The following CYP4A22 variants were observed in gnomAD, a reference collection of about 807,000 sequenced individuals.
The protein encoded by CYP4A22 is cytochrome P450 family 4 subfamily A member 22.
Under a neutral mutation model 56.2 loss-of-function variants are expected in CYP4A22, and 46 were observed. The observed-to-expected ratio is 0.82, with a 90% CI of 0.65 to 1.05. The LOEUF (loss-of-function observed/expected upper bound fraction) is 1.05, where lower values mean the gene tolerates loss of function less well. Among genes scored for constraint, CYP4A22 ranks in the 50% least tolerant of loss-of-function variants. CYP4A22 has a pLI of 0.00. For synonymous variants in CYP4A22, 193 were observed against 251.1 expected (o/e 0.77, Z 2.19); for missense variants, 541 against 645.9 (o/e 0.84, Z 1.76).
intron 2 of CYP4A22, 31 bp downstream of exon 2, chr1:47,140,952 T>G (rs768895493): frequency 1.9e-5 from 31 of 1,611,732 alleles, no homozygotes; most frequent in Middle Eastern, 1.8e-4. Context: ...CAACTGCAAT[T>G]TCTCTTCCCT....
rs569667129 is a variant in CYP4A22, at chr1:47,142,050, T to C, written c.383-58T>C. On this transcript the variant is annotated intron_variant, in intron 3 of 11. Coordinates refer to ENST00000371891, the MANE Select transcript of CYP4A22 (RefSeq NM_001010969.4). ...CTCCCTCCCAAATTGTCACCAGTCA[T>C]CCCTAGGTCCGTGCAGCCTCTGATA... 110 of 1,558,934 alleles carry C rather than the reference T, an allele frequency of 7.1e-5. No homozygotes were observed. The African/African-American group carries it at 1.4e-3, about 19-fold the overall frequency.
In CYP4A22 at chr1:47,146,062, G is replaced by A. The variant is rs377651379; in HGVS notation, c.1288-15G>A. The A allele has an allele frequency of 1.2e-6, 2 of 1,614,154 alleles. No individual in the cohort carries two copies. Among genetic ancestry groups the A allele is most frequent in the East Asian group, 4.5e-5 (2 of 44,878 alleles). ...TGGATCCTTAACTATCCTGGCTCTG[G>A]TGCTCTCTCTGCAGGTGTTTGACCC... On this transcript the variant is annotated splice_polypyrimidine_tract_variant and intron_variant, in intron 10 of 11. Transcript: ENST00000371891.
At chr1:47,145,324 T>C (rs1645064180) in intron 9 of CYP4A22, among the ~76,000 whole-genome samples, 1 of 152,194 alleles carries the variant, frequency 6.6e-6, no homozygotes, top group Non-Finnish European at 1.5e-5. Context: ...TCTCATTTCC[T>C]GGGTCAGCTG....
At chr1:47,140,701 T>C (rs563727977) in intron 1 of CYP4A22, 79 bp from the exon 2 acceptor site, 1 of 1,578,500 alleles carries the variant, frequency 6.3e-7, no homozygotes, top group Admixed American at 1.7e-5. Context: ...ACATGGCTCC[T>C]GTAGTTGTCC....
chr1:47,145,796 T>A (rs1645069108), intron 9 of CYP4A22, 70 bp from the exon 10 acceptor site: 1 of 1,602,162 alleles, frequency 6.2e-7, no homozygotes, highest in Non-Finnish European at 8.5e-7. Flanking sequence ...CTTTTGCCCC[T>A]GCAGGCTGAA....
intron 11 of CYP4A22, among the ~76,000 whole-genome samples, chr1:47,148,233 G>A (rs998056070): frequency 1.4e-4 from 21 of 152,278 alleles, no homozygotes; most frequent in African/African-American, 3.9e-4. Flanking sequence ...ACTGACCTCC[G>A]CACTGGAGAA....
Position 47,143,888 on chromosome 1 carries a change from C to T in CYP4A22, c.762C>T (p.Arg254=), listed in dbSNP as rs374540641. ...SLTSAGRWTH[R]ACQLAHQHTD... ...CCTCTGCTGGCCGCTGGACACACCG[C>T]GCCTGCCAGCTGGCCCATCAGCACA... The change falls in exon 6 of 12, where the codon CGC becomes CGT. Residue 254 remains arginine, a synonymous_variant. Transcript: ENST00000371891. 104 of 1,612,888 alleles carry T rather than the reference C, an allele frequency of 6.4e-5. No homozygotes were observed. Among genetic ancestry groups the T allele is most frequent in the African/African-American group, 6.4e-4 (48 of 74,870 alleles).
At position 47,143,787 on chromosome 1, in the gene CYP4A22, A is replaced by G. The variant is rs369774561; in HGVS notation, c.661A>G (p.Ile221Val). Reference sequence around the variant, plus strand: ...GAATTCTCAGTCCTACATCCAGGCCATTAGTGACCTGAACAGCCTGGTTTT... The same window carrying G: ...GAATTCTCAGTCCTACATCCAGGCCGTTAGTGACCTGAACAGCCTGGTTTT... Reference protein sequence around the residue: ...DRNSQSYIQAISDLNSLVFCC... With the variant: ...DRNSQSYIQAVSDLNSLVFCC... The change falls in exon 6 of 12, where the codon ATT (isoleucine) becomes GTT (valine). Residue 221 changes from isoleucine to valine, a missense_variant. Around this residue, in one of 3 missense-constraint regions of CYP4A22, gnomAD observed 335 missense variants for 361.2 expected, o/e 0.93. Transcript: ENST00000371891. 7 of 1,613,450 alleles carry G rather than the reference A, an allele frequency of 4.3e-6. No individual in the cohort carries two copies. Among genetic ancestry groups the G allele is most frequent in the Non-Finnish European group, 5.9e-6 (7 of 1,179,560 alleles).
At chr1:47,137,970 T>A (rs1030630654) in intron 1 of CYP4A22, among the ~76,000 whole-genome samples, 15 of 152,192 alleles carry the variant, frequency 9.9e-5, no homozygotes, top group Non-Finnish European at 1.9e-4. Flanking sequence ...GTCTCCAGAC[T>A]GATTACCCCA....
chr1:47,139,491 C>A (rs71645849), intron 1 of CYP4A22, among the ~76,000 whole-genome samples: 26,516 of 143,862 alleles, frequency 0.18, 2,538 homozygotes, highest in East Asian at 0.37. Context: ...TTCATTCCAT[C>A]TCATGTCCAT....
At chr1:47,137,723 T>C (rs1644959781) in intron 1 of CYP4A22, 43 bp downstream of exon 1, 1 of 1,565,968 alleles carries the variant, frequency 6.4e-7, no homozygotes, top group Non-Finnish European at 8.6e-7. Context: ...CAAGGAGGGA[T>C]GCGGCTCTGA....
At position 47,142,127 on chromosome 1, in the gene CYP4A22, G is replaced by A; in HGVS notation, c.402G>A (p.Leu134=). ...APRIGYGLLL[L]NGQTWFQHRR... The stretch of plus-strand genomic sequence containing the variant: ...CCTTAGGGTACGGCTTGCTCCTGTT[G>A]AATGGGCAGACATGGTTCCAGCATC... Residue 134 remains leucine, a synonymous_variant, in exon 4 of 12, where the codon TTG becomes TTA. Coordinates refer to ENST00000371891, the MANE Select transcript of CYP4A22 (RefSeq NM_001010969.4). 17 of 1,613,328 alleles carry A rather than the reference G, an allele frequency of 1.1e-5. No individual in the cohort carries two copies. The highest frequency in any genetic ancestry group is 1.4e-5 in the Non-Finnish European group (17 of 1,179,678).
chr1:47,146,091 C>T lies in CYP4A22; in HGVS notation c.1302C>T (p.Ser434=). ...VWPNLEVFDP[S]RFAPGSAQHS... ...TCTCTCTGCAGGTGTTTGACCCTTC[C>T]CGTTTTGCACCGGGTTCTGCTCAAC... Residue 434 remains serine, a synonymous_variant, in exon 11 of 12, where the codon TCC becomes TCT. Coordinates refer to ENST00000371891, the MANE Select transcript of CYP4A22 (RefSeq NM_001010969.4). 6.2e-7 allele frequency: 1 copy of T among 1,614,144 alleles called. No individual in the cohort carries two copies. Among genetic ancestry groups the T allele is most frequent in the South Asian group, 1.1e-5 (1 of 91,084 alleles).
Position 47,144,971 on chromosome 1 carries a change from G to A in CYP4A22, c.1222+1G>A, listed in dbSNP as rs1279511353. ...CCTGATGGGCGCTCCTTGCCCAAAG[G>A]TATGAAGTTTCCCCACCCTCTCACC... On this transcript the variant is annotated splice_donor_variant, in intron 9 of 11. Transcript: ENST00000371891. LOFTEE classifies it high-confidence loss of function. The A allele has an allele frequency of 1.9e-6, 3 of 1,614,140 alleles. No homozygotes were observed. Among genetic ancestry groups the A allele is most frequent in the Non-Finnish European group, 2.5e-6 (3 of 1,179,978 alleles).
At chr1:47,138,044 A>G (rs1644963917) in intron 1 of CYP4A22, among the ~76,000 whole-genome samples, 1 of 152,080 alleles carries the variant, frequency 6.6e-6, no homozygotes, top group East Asian at 1.9e-4. Flanking sequence ...ACTCAATGCC[A>G]TTGTCTCTGC....
At position 47,140,856 on chromosome 1, in the gene CYP4A22, G is replaced by C; in HGVS notation, c.272G>C (p.Trp91Ser). The C allele has an allele frequency of 2.5e-6, 4 of 1,614,144 alleles. No individual in the cohort carries two copies. Among genetic ancestry groups the C allele is most frequent in the Non-Finnish European group, 3.4e-6 (4 of 1,180,014 alleles). ...TFPSACPYWI[W>S]GGKVRVQLYD... ...CCAAGTGCCTGTCCTTATTGGATAT[G>C]GGGAGGCAAAGTTCGTGTCCAGCTC... Residue 91 changes from tryptophan (W) to serine (S), a missense_variant, in exon 2 of 12, where the codon TGG (tryptophan) becomes TCG (serine). Transcript: ENST00000371891.
rs777768038 is a variant in CYP4A22, at chr1:47,140,835, G to GTGCC, written c.254_257dup (p.Pro87LeufsTer16). 2.8e-5 allele frequency: 45 copies of GTGCC among 1,614,048 alleles called. No homozygotes were observed. The African/African-American group carries it at 4.8e-4, about 17-fold the overall frequency. On this transcript the variant is annotated frameshift_variant, in exon 2 of 12. Coordinates refer to ENST00000371891, the MANE Select transcript of CYP4A22 (RefSeq NM_001010969.4). LOFTEE classifies it high-confidence loss of function. ...CAGGAACGGGTGAAGACATTCCCAA[G>GTGCC]TGCCTGTCCTTATTGGATATGGGGA...
In CYP4A22 at chr1:47,144,066, A is replaced by C. The variant is rs374792637; in HGVS notation, c.790+150A>C. On this transcript the variant is annotated intron_variant, in intron 6 of 11. Coordinates refer to ENST00000371891, the MANE Select transcript of CYP4A22 (RefSeq NM_001010969.4). ...TTCCCTTGCTCAGGGGCTGGGAGCC[A>C]AGATGTGAGGGGCCGGATTCTGTGC... 2.4e-5 allele frequency: 34 copies of C among 1,400,882 alleles called. No individual in the cohort carries two copies. The African/African-American group carries it at 4.8e-4, about 20-fold the overall frequency. The allele number at this position is 1,400,882 out of a possible 1,614,324, so 86.8% of individuals were successfully genotyped here.
chr1:47,140,992 T>C, intron 2 of CYP4A22, 71 bp downstream of exon 2: 1 of 1,581,500 alleles, frequency 6.3e-7, no homozygotes, highest in Non-Finnish European at 8.6e-7. Flanking sequence ...TCTGTAAAAT[T>C]CCAGAAGAGA....
Sources: allele counts gnomAD v4.1 joint callset (sites outside exome capture counted in the v4.1 genomes callset), GRCh38; gene constraint gnomAD v4.1.1; regional missense constraint gnomAD v4.1.1; transcripts MANE v1.5; gene names NCBI Gene and HGNC (gene_info 2026-07-23, HGNC 2026-07-21).